NCOR2: variants seen among roughly 807,000 people sequenced by gnomAD.
NCOR2 encodes the protein nuclear receptor corepressor 2.
NCOR2 carries 81 observed loss-of-function variants against 262.9 expected under a neutral mutation model. The ratio of observed to expected loss-of-function variants is 0.31; its 90% CI spans 0.26 to 0.37. The LOEUF is 0.37. NCOR2 is among the 10% of genes least tolerant of loss of function. The pLI, the probability that NCOR2 is intolerant of heterozygous loss-of-function variation, is 1.00. For missense variants in NCOR2, 3,385 were observed against 3,621.4 expected, an observed-to-expected ratio of 0.93 and a Z score of 1.68; for synonymous variants, 1,659 against 1,559.3, an observed-to-expected ratio of 1.06 and a Z score of -1.51.
At chr12:124,490,809 A>T (rs1399126404) in intron 1 of NCOR2, among the ~76,000 whole-genome samples, 2 of 152,238 alleles carry the variant, frequency 1.3e-5, no homozygotes, top group African/African-American at 4.8e-5. Context: ...GTGGGCACAG[A>T]ACATGACAGC....
rs146758696 is a variant in NCOR2, at chr12:124,380,345, A to T, written c.2020-1961T>A. ...GGTTCCTCTGAGCACAGCCCCTTGG[A>T]ACGCAGGGAGGAAAAGGGAAACGAC... On this transcript the variant is annotated intron_variant, in intron 17 of 46. Coordinates refer to ENST00000405201, the Ensembl canonical transcript of NCOR2. Among the ~76,000 whole-genome samples, 270 of 152,318 alleles carry T rather than the reference A, an allele frequency of 1.8e-3. 2 individuals are homozygous for T. Among genetic ancestry groups the T allele is most frequent in the African/African-American group, 6.2e-3 (256 of 41,560 alleles).
At chr12:124,344,743 G>A (rs1396687230) in exon 32 of NCOR2, 47 of 1,545,656 alleles carry the variant, frequency 3.0e-5, no homozygotes, top group Non-Finnish European at 3.9e-5. Flanking sequence ...GGCGCCGCGC[G>A]CAATGGAGCC....
chr12:124,528,519 GTT>G (rs1483780641), intron 1 of NCOR2, among the ~76,000 whole-genome samples: 1 of 152,152 alleles, frequency 6.6e-6, no homozygotes, highest in African/African-American at 2.4e-5. Flanking sequence ...GGCAGGTGTG[GTT>G]TTGCCCAAGA....
At chr12:124,360,626 AAT>A (rs761445266) in intron 22 of NCOR2, among the ~76,000 whole-genome samples, 7 of 152,014 alleles carry the variant, frequency 4.6e-5, no homozygotes, top group Non-Finnish European at 1.0e-4. Flanking sequence ...GGCCCCACAC[AAT>A]CCGGTCCCCA....
At chr12:124,520,829 C>T (rs1295026385) in intron 1 of NCOR2, among the ~76,000 whole-genome samples, 1 of 152,176 alleles carries the variant, frequency 6.6e-6, no homozygotes, top group African/African-American at 2.4e-5. Context: ...CAAAATCTGC[C>T]GACAGGCCGC....
intron 1 of NCOR2, among the ~76,000 whole-genome samples, chr12:124,516,716 C>T (rs182692321): frequency 5.2e-4 from 79 of 151,698 alleles, no homozygotes; most frequent in African/African-American, 1.6e-3. Context: ...CTTGAGGGGT[C>T]GAGCCAGGAC....
At chr12:124,479,010 C>T (rs1035170940) in intron 3 of NCOR2, among the ~76,000 whole-genome samples, 6 of 152,164 alleles carry the variant, frequency 3.9e-5, no homozygotes, top group Non-Finnish European at 7.4e-5. Flanking sequence ...GACGGAGACC[C>T]TCTAGAACCC....
chr12:124,519,641 G>A (rs986565980), intron 1 of NCOR2, among the ~76,000 whole-genome samples: 2 of 152,180 alleles, frequency 1.3e-5, no homozygotes, highest in African/African-American at 2.4e-5. Context: ...TCTGGGCCTG[G>A]CCTTCAACTC....
intron 1 of NCOR2, among the ~76,000 whole-genome samples, chr12:124,512,344 G>GCATTCCTTGGCTTGCGGCTTCAGC (rs1479098612): frequency 6.6e-6 from 1 of 152,218 alleles, no homozygotes; most frequent in Non-Finnish European, 1.5e-5. Flanking sequence ...GTGGCTCCAG[G>GCATTCCTTGGCTTGCGGCTTCAGC]CATTCCTTGG....
At chr12:124,374,462 G>A (rs1241391427) in exon 19 of NCOR2, 13 of 1,612,270 alleles carry the variant, frequency 8.1e-6, no homozygotes, top group Admixed American at 1.7e-5. Flanking sequence ...AGGCATGTAA[G>A]GCTGGAAGGA....
At chr12:124,451,387 G>A (rs187484932) in intron 6 of NCOR2, among the ~76,000 whole-genome samples, 50 of 152,294 alleles carry the variant, frequency 3.3e-4, no homozygotes, top group Middle Eastern at 3.4e-3. Context: ...TAACCATACC[G>A]GGTAACTGAT....
At position 124,547,540 on chromosome 12, in the gene NCOR2, A is replaced by C. The variant is rs79331339; in HGVS notation, c.-164-11929T>G. Reference sequence around the variant, plus strand: ...AAATTCACATTACATAAAATTAACCACTATAAAGTAGGCAGCTCTGACATT... The same window carrying C: ...AAATTCACATTACATAAAATTAACCCCTATAAAGTAGGCAGCTCTGACATT... On this transcript the variant is annotated intron_variant, in intron 1 of 32. Transcript: ENST00000458234. Among the ~76,000 whole-genome samples the C allele has an allele frequency of 0.014, 2,121 of 152,286 alleles. 133 individuals are homozygous for C. In the East Asian group the frequency reaches 0.17, roughly 13 times the overall value.
rs752224314 is a variant in NCOR2, at chr12:124,340,178, CGCT to C, written c.5512_5514del (p.Ser1838del). 2.7e-4 allele frequency: 439 copies of C among 1,606,710 alleles called. 1 individual carries two copies. The highest frequency in any genetic ancestry group is 4.2e-4 in the Admixed American group (25 of 59,446). On this transcript the variant is annotated inframe_deletion, in exon 37 of 47. Coordinates refer to ENST00000405201, the Ensembl canonical transcript of NCOR2. ...CGGCTGCTGCTGCCCCCACCCCCGC[CGCT>C]GCTGCCGCTGCTCTGCTCTGTACCT...
At chr12:124,335,624 C>T (rs753999479) in exon 39 of NCOR2, 6 of 1,600,852 alleles carry the variant, frequency 3.7e-6, no homozygotes, top group South Asian at 1.1e-5. Context: ...TAGCTGCTGC[C>T]GTGGTAACCT....
chr12:124,437,161 T>G (rs1423775744), intron 8 of NCOR2, among the ~76,000 whole-genome samples: 3 of 152,090 alleles, frequency 2.0e-5, no homozygotes, highest in Non-Finnish European at 4.4e-5. Context: ...AAGACTTGAG[T>G]TGAAAGACTA....
chr12:124,538,437 G>C (rs1300180766), upstream of NCOR2: 2 of 152,786 alleles, frequency 1.3e-5, no homozygotes, highest in Non-Finnish European at 2.9e-5. Context: ...AGGTGGGAAG[G>C]AACCCAGGGC....
At chr12:124,475,931 C>T (rs571097105) in intron 3 of NCOR2, among the ~76,000 whole-genome samples, 1 of 152,350 alleles carries the variant, frequency 6.6e-6, no homozygotes, top group East Asian at 1.9e-4. Flanking sequence ...AACCATAGGG[C>T]TGAGCATAAG....
chr12:124,387,890 C>G (rs1187615392), intron 16 of NCOR2, among the ~76,000 whole-genome samples: 1 of 150,660 alleles, frequency 6.6e-6, no homozygotes, highest in African/African-American at 2.4e-5. Context: ...CCATCTGGGC[C>G]TGCTGGGTGG....
intron 13 of NCOR2, among the ~76,000 whole-genome samples, chr12:124,419,699 G>A (rs1373053734): frequency 2.6e-5 from 4 of 152,224 alleles, no homozygotes; most frequent in Admixed American, 6.5e-5. Flanking sequence ...GAGGAGGCCC[G>A]TGGCTGTTTC....
Sources: gnomAD v4.1 joint callset for allele counts (sites outside exome capture counted in the v4.1 genomes callset) on GRCh38, gnomAD v4.1.1 for gene constraint, MANE v1.5 for transcripts, NCBI Gene and HGNC (gene_info 2026-07-23, HGNC 2026-07-21) for gene names.